The following DRC4 variants were observed in gnomAD, a reference collection of about 807,000 sequenced individuals.
DRC4 encodes the protein dynein regulatory complex subunit 4.
chr16:90,025,144 G>T, the DRC4 span, among the ~76,000 whole-genome samples: 3 of 150,616 alleles, frequency 2.0e-5, no homozygotes, highest in Non-Finnish European at 4.4e-5. Context: ...GGCCTCCCGA[G>T]TACCTGGGAC....
chr16:90,037,410 C>T, the DRC4 span: 86 of 1,603,108 alleles, frequency 5.4e-5, no homozygotes, highest in Admixed American at 1.0e-4. Context: ...GTGAGTTTCC[C>T]GCTGGATTCC....
At chr16:90,037,466 A>G in the DRC4 span, 11 of 1,521,418 alleles carry the variant, frequency 7.2e-6, no homozygotes, top group South Asian at 1.3e-5. Flanking sequence ...AGGGAGGAGC[A>G]TCACAGGGAG....
chr16:90,042,560 C>T, the DRC4 span: 1 of 1,598,468 alleles, frequency 6.3e-7, no homozygotes, highest in Non-Finnish European at 8.6e-7. Flanking sequence ...TGCCCTCCCT[C>T]AGGGGCACCC....
At chr16:90,025,527 G>A in the DRC4 span, among the ~76,000 whole-genome samples, 1 of 150,968 alleles carries the variant, frequency 6.6e-6, no homozygotes. Flanking sequence ...GTGGGCACCT[G>A]TAATCCCAGC....
the DRC4 span, among the ~76,000 whole-genome samples, chr16:90,024,918 C>A: frequency 1.4e-4 from 22 of 152,104 alleles, no homozygotes; most frequent in Non-Finnish European, 2.1e-4. Flanking sequence ...GAATATGGGC[C>A]TTGGTCTGTT....
chr16:90,023,467 G>A, the DRC4 span, among the ~76,000 whole-genome samples: 1 of 152,204 alleles, frequency 6.6e-6, no homozygotes, highest in Non-Finnish European at 1.5e-5. Flanking sequence ...TTCAGCTGGT[G>A]GGGGGAGGAA....
At chr16:90,020,047 C>G in the DRC4 span, 16 of 686,304 alleles carry the variant, frequency 2.3e-5, no homozygotes, top group Admixed American at 1.9e-4. Context: ...CGCCCAGATT[C>G]AGCGATTGCC....
At chr16:90,023,937 A>G in the DRC4 span, among the ~76,000 whole-genome samples, 4 of 134,436 alleles carry the variant, frequency 3.0e-5, 1 homozygote, top group Non-Finnish European at 7.0e-5. Flanking sequence ...GGTTGCAGCG[A>G]GCCGAGATCG....
At chr16:90,036,526 C>G in the DRC4 span, 1 of 1,611,254 alleles carries the variant, frequency 6.2e-7, no homozygotes, top group Non-Finnish European at 8.5e-7. Context: ...CCTTCACCGA[C>G]ATTAAGAACT....
chr16:90,019,762 C>T, the DRC4 span: 7 of 689,120 alleles, frequency 1.0e-5, no homozygotes, highest in Non-Finnish European at 1.3e-5. The surrounding 1 kb of genome is among the most constrained non-coding windows in gnomAD (Gnocchi z 6.1). Flanking sequence ...CTCTTGTTCT[C>T]TTCCAGGTAC....
chr16:90,034,063 T>C, the DRC4 span, among the ~76,000 whole-genome samples: 7,425 of 152,108 alleles, frequency 0.049, 261 homozygotes, highest in Non-Finnish European at 0.076. Flanking sequence ...TGGTGGAGTC[T>C]GTTGCCCTCT....
the DRC4 span, among the ~76,000 whole-genome samples, chr16:90,028,173 ATTTTTTTTTTTT>A: frequency 4.7e-5 from 3 of 63,836 alleles, no homozygotes; most frequent in Admixed American, 2.4e-4. Context: ...TTAATCGTTC[ATTTTTTTTTTTT>A]TTTTTTTTTT....
the DRC4 span, chr16:90,032,960 T>C: frequency 3.2e-6 from 5 of 1,581,408 alleles, no homozygotes; most frequent in Non-Finnish European, 4.3e-6. Context: ...GCTGACAGGT[T>C]GTTGGGACGG....
At chr16:90,044,174 G>A in the DRC4 span, 4 of 455,112 alleles carry the variant, frequency 8.8e-6, no homozygotes, top group Non-Finnish European at 1.8e-5. Flanking sequence ...GGCGGCTCCA[G>A]TGTGGGGTGA....
the DRC4 span, among the ~76,000 whole-genome samples, chr16:90,030,889 G>T: frequency 6.6e-6 from 1 of 152,100 alleles, no homozygotes; most frequent in African/African-American, 2.4e-5. Context: ...GAGTGCTGGG[G>T]TTGCAGGCGA....
the DRC4 span, chr16:90,036,559 CA>C: frequency 6.3e-7 from 1 of 1,591,070 alleles, no homozygotes; most frequent in East Asian, 2.3e-5. Flanking sequence ...TCACCCTCAA[CA>C]ACCTGGCCCT....
chr16:90,034,892 C>CT, the DRC4 span, among the ~76,000 whole-genome samples: 7,905 of 53,860 alleles, frequency 0.15, 1,917 homozygotes, highest in Non-Finnish European at 0.19. Flanking sequence ...CCCACCTAAT[C>CT]TTTTTTTTTT....
the DRC4 span, chr16:90,040,167 CG>C: frequency 1.2e-6 from 1 of 827,234 alleles, no homozygotes; most frequent in East Asian, 2.7e-5. Context: ...ACACTGACCC[CG>C]GTGCTGTGGG....
chr16:90,023,590 G>A, the DRC4 span, among the ~76,000 whole-genome samples: 1 of 151,402 alleles, frequency 6.6e-6, no homozygotes, highest in African/African-American at 2.4e-5. Context: ...TAGCCTTCTT[G>A]GAGTGGAGGG....
Sources: allele counts gnomAD v4.1 joint callset (sites outside exome capture counted in the v4.1 genomes callset), GRCh38; gene constraint gnomAD v4.1.1; non-coding constraint Gnocchi (gnomAD v3.1); transcripts MANE v1.5; gene names NCBI Gene and HGNC (gene_info 2026-07-23, HGNC 2026-07-21).